Variants in GLS observed in about 807,000 individuals in gnomAD.
GLS encodes the protein glutaminase kidney isoform, mitochondrial.
GLS carries 36 observed loss-of-function variants against 86.7 expected under a neutral mutation model. The observed-to-expected ratio is 0.42, with a 90% confidence interval of 0.32 to 0.55. The LOEUF (loss-of-function observed/expected upper bound fraction) is 0.55, where lower values mean the gene tolerates loss of function less well. Among genes scored for constraint, GLS ranks in the 20% least tolerant of loss-of-function variants. GLS has a pLI of 0.17. For missense variants in GLS, 528 were observed against 833.4 expected (o/e 0.63, Z 4.51); for synonymous variants, 317 against 305.9 (o/e 1.04, Z -0.38).
chr2:190,949,101 A>T lies in GLS; in HGVS notation c.1651-4464A>T, dbSNP rs1284694658. Among the ~76,000 whole-genome samples the T allele has an allele frequency of 1.3e-5, 2 of 151,782 alleles. No individual in the cohort carries two copies. The highest frequency in any genetic ancestry group is 2.9e-5 in the Non-Finnish European group (2 of 68,022). ...AATCTGGGTGTTCTTAAGAGCATAG[A>T]CACCAAGACAAAAACAAGGGCAGTA... On this transcript the variant is annotated intron_variant, in intron 14 of 17. Transcript: ENST00000320717. The surrounding 1 kb of genome is among the most constrained non-coding windows in gnomAD (Gnocchi z 4.0).
intron 7 of GLS, among the ~76,000 whole-genome samples, chr2:190,916,802 C>T (rs752714681): frequency 6.6e-6 from 1 of 151,848 alleles, no homozygotes; most frequent in Non-Finnish European, 1.5e-5. Flanking sequence ...CCAATGCATA[C>T]GGAAGTTGTG....
chr2:190,934,863 G>A (rs753050396), intron 14 of GLS: 33 of 979,096 alleles, frequency 3.4e-5, no homozygotes, highest in East Asian at 1.1e-4. Flanking sequence ...AAGTATAAAC[G>A]GAAGAAGAGA....
At chr2:190,885,425 GA>G (rs1688345071) in intron 1 of GLS, among the ~76,000 whole-genome samples, 1 of 152,128 alleles carries the variant, frequency 6.6e-6, no homozygotes, top group African/African-American at 2.4e-5. Context: ...CCTGACCTCA[GA>G]TGATCTGCCC....
chr2:190,934,474 T>C, intron 14 of GLS: 1 of 977,264 alleles, frequency 1.0e-6, no homozygotes, highest in Non-Finnish European at 1.2e-6. Context: ...TCTTTGAATG[T>C]TCAGATGCAT....
intron 14 of GLS, among the ~76,000 whole-genome samples, chr2:190,937,840 G>GT (rs1197759246): frequency 0.35 from 44,707 of 128,304 alleles, 8,224 homozygotes; most frequent in East Asian, 0.65. Context: ...GAATCTGTGG[G>GT]TTTTTTTTTT....
intron 14 of GLS, among the ~76,000 whole-genome samples, chr2:190,946,985 T>C (rs1360492829): frequency 2.0e-5 from 3 of 152,136 alleles, no homozygotes; most frequent in Non-Finnish European, 4.4e-5. Flanking sequence ...AAAATATATC[T>C]ATCAACATAT....
rs759328820 is a variant in GLS at position 190,895,258 on chromosome 2, TA to T, written c.483+11del. ...TCATAAATTTATTACAGTAAGTTTTTATATTTTTCTATCTTAACTTAAAAAA... is the reference window on the plus strand; with the variant it reads ...TCATAAATTTATTACAGTAAGTTTTTTATTTTTCTATCTTAACTTAAAAAA... On this transcript the variant is annotated intron_variant, in intron 2 of 17. Coordinates refer to ENST00000320717, the MANE Select transcript of GLS (RefSeq NM_014905.5). The surrounding 1 kb of genome is among the most constrained non-coding windows in gnomAD (Gnocchi z 4.2). 1 of 1,019,838 alleles carries T rather than the reference TA, an allele frequency of 9.8e-7. No individual in the cohort carries two copies. Among genetic ancestry groups the T allele is most frequent in the African/African-American group, 1.6e-5 (1 of 63,304 alleles). 63.2% of individuals were successfully genotyped at this position (1,019,838 alleles called of 1,614,324 possible).
chr2:190,928,945 A>T (rs1279254672), intron 12 of GLS, among the ~76,000 whole-genome samples: 1 of 49,934 alleles, frequency 2.0e-5, no homozygotes, highest in African/African-American at 6.9e-5. Flanking sequence ...AGTTTTGTGT[A>T]AAAGTACTTT....
rs1286243713 is a variant in GLS at position 190,920,126 on chromosome 2, C to A, written c.1039-898C>A. ...AATATGTTTTAAAAACTTTAGTTGT[C>A]AAATTATTTTATTTTAAGCCTATTT... On this transcript the variant is annotated intron_variant, in intron 7 of 17. Coordinates refer to ENST00000320717, the MANE Select transcript of GLS (RefSeq NM_014905.5). This position sits in a 1 kb window ranked among gnomAD's most constrained non-coding sequence, Gnocchi z 4.2. 6.6e-6 allele frequency: 1 copy of A among 151,726 alleles called. No homozygotes were observed. The highest frequency in any genetic ancestry group is 1.5e-5 in the Non-Finnish European group (1 of 67,746). The allele number at this position is 151,726 out of a possible 1,614,324, so 9.4% of individuals were successfully genotyped here. A position where few individuals can be genotyped will look rare whatever the true frequency, so the allele number is the denominator to read the frequency against.
chr2:190,904,911 G>T, intron 5 of GLS, 93 bp from the exon 6 acceptor site: 1 of 764,372 alleles, frequency 1.3e-6, no homozygotes. Context: ...AATTTTTGTT[G>T]GAATTGTTAA....
chr2:190,881,054 CT>C lies in GLS; in HGVS notation c.-30del. 6.5e-7 allele frequency: 1 copy of C among 1,535,772 alleles called. No homozygotes were observed. On this transcript the variant is annotated 5_prime_UTR_variant, in exon 1 of 18. Transcript: ENST00000320717. ...CCGCCCACGCCCGGAGCATCCTCCC[CT>C]GTTGAGCGGGCGCTGACGGACCCGG... is the stretch of plus-strand genomic sequence containing the variant.
chr2:190,884,045 G>A (rs1417037325), intron 1 of GLS, among the ~76,000 whole-genome samples: 1 of 152,034 alleles, frequency 6.6e-6, no homozygotes, highest in Admixed American at 6.6e-5. Flanking sequence ...GCTCAGTTTT[G>A]TCTTTAGTGA....
In GLS at chr2:190,953,418, T is replaced by G. The variant is rs929386220; in HGVS notation, c.1651-147T>G. Reference sequence around the variant, plus strand: ...GAAAGTATCACACACGTGGGTTCTTTTGGCTATGGAAGTGTCCTTGAGATC... The same window carrying G: ...GAAAGTATCACACACGTGGGTTCTTGTGGCTATGGAAGTGTCCTTGAGATC... On this transcript the variant is annotated intron_variant, in intron 14 of 17. Transcript: ENST00000320717. The surrounding 1 kb of genome is among the most constrained non-coding windows in gnomAD (Gnocchi z 4.0). 3.3e-6 allele frequency: 2 copies of G among 600,578 alleles called. No individual in the cohort carries two copies. Among genetic ancestry groups the G allele is most frequent in the Middle Eastern group, 2.7e-4 (1 of 3,696 alleles). 37.2% of individuals were successfully genotyped at this position (600,578 alleles called of 1,614,324 possible).
intron 5 of GLS, among the ~76,000 whole-genome samples, chr2:190,903,577 T>C (rs1251285381): frequency 6.6e-6 from 1 of 152,202 alleles, no homozygotes; most frequent in African/African-American, 2.4e-5. Context: ...AGTCTTTGAA[T>C]TTGAAGAAAA....
chr2:190,889,388 C>T (rs917167190), intron 1 of GLS, among the ~76,000 whole-genome samples: 1 of 152,188 alleles, frequency 6.6e-6, no homozygotes, highest in African/African-American at 2.4e-5. Context: ...TACCTGAATA[C>T]TGCCTTCACA....
chr2:190,907,445 G>A (rs183739377), intron 6 of GLS, among the ~76,000 whole-genome samples: 26 of 151,572 alleles, frequency 1.7e-4, no homozygotes, highest in African/African-American at 4.8e-4. Flanking sequence ...CAGTAGAGAC[G>A]GGGTTTCTCC....
chr2:190,926,334 G>C (rs1037256425), intron 11 of GLS, among the ~76,000 whole-genome samples: 1 of 152,098 alleles, frequency 6.6e-6, no homozygotes, highest in African/African-American at 2.4e-5. Context: ...TTGAGAAATA[G>C]GGAAGAGATT....
In GLS at chr2:190,881,362, G is replaced by A. The variant is rs994744051; in HGVS notation, c.278G>A (p.Gly93Glu). ...AAGGGGAGCACGCATCCGCAGCCCG[G>A]GGTGTCGCCACCCGCTGCCCCGGCG... ...LGKGSTHPQP[G>E]VSPPAAPAAP... Residue 93 changes from glycine to glutamate, a missense_variant, in exon 1 of 18, where the codon GGG becomes GAG. Gly to Glu is a moderately conservative substitution (Grantham distance 98, BLOSUM62 -2). Coordinates refer to ENST00000320717, the MANE Select transcript of GLS (RefSeq NM_014905.5). 1.9e-6 allele frequency: 3 copies of A among 1,539,030 alleles called. No individual in the cohort carries two copies. Among genetic ancestry groups the A allele is most frequent in the African/African-American group, 2.8e-5 (2 of 71,634 alleles).
rs1689845059 is a variant in GLS, at chr2:190,924,713, G to A, written c.1248+120G>A. 3.1e-6 allele frequency: 2 copies of A among 647,048 alleles called. No individual in the cohort carries two copies. Among genetic ancestry groups the A allele is most frequent in the Admixed American group, 2.5e-5 (1 of 40,652 alleles). The allele number at this position is 647,048 out of a possible 1,614,324, so 40.1% of individuals were successfully genotyped here. A position where few individuals can be genotyped will look rare whatever the true frequency, so the allele number is the denominator to read the frequency against. On this transcript the variant is annotated intron_variant, in intron 11 of 17. Transcript: ENST00000320717. The surrounding 1 kb of genome is among the most constrained non-coding windows in gnomAD (Gnocchi z 5.2). ...AGGTGGATCATGAGGTCAAGAGATA[G>A]AGGTCATCCTGGCCAACATGGTGAA...
Sources: allele counts gnomAD v4.1 joint callset (sites outside exome capture counted in the v4.1 genomes callset), GRCh38; gene constraint gnomAD v4.1.1; non-coding constraint Gnocchi (gnomAD v3.1); transcripts MANE v1.5; gene names NCBI Gene and HGNC (gene_info 2026-07-23, HGNC 2026-07-21).